IBTK: variants seen among roughly 807,000 people sequenced by gnomAD.
The protein encoded by IBTK is BTK-binding protein.
A neutral mutation model predicts 154.9 loss-of-function variants in IBTK; 83 were observed. The ratio of observed to expected loss-of-function variants is 0.54; its 90% CI spans 0.45 to 0.64. IBTK has a LOEUF of 0.64. Ranked by LOEUF, IBTK falls within the 30% of genes least tolerant of loss-of-function variation. The pLI is 0.00. For synonymous variants in IBTK, 515 were observed against 536.1 expected (o/e 0.96, Z 0.54); for missense variants, 1,332 against 1,584.6 (o/e 0.84, Z 2.71).
chr6:82,181,992 G>T lies in IBTK; in HGVS notation c.3612C>A (p.Phe1204Leu). 6.2e-7 allele frequency: 1 copy of T among 1,606,092 alleles called. No individual in the cohort carries two copies. Among genetic ancestry groups the T allele is most frequent in the Non-Finnish European group, 8.5e-7 (1 of 1,178,400 alleles). ...TTTTTTCTTCTAGTAAGAAATCCCG[G>T]AATGACTTGGATGAAACTGAATGCA... ...SSLHSVSSKS[F>L]RDFLLEEKKS... Residue 1204 changes from phenylalanine to leucine, a missense_variant, in exon 26 of 29, where the codon TTC (phenylalanine) becomes TTA (leucine). Physicochemically the swap from Phe to Leu is conservative, Grantham distance 22. This residue lies in a region of IBTK where 1,134 missense variants were observed against 1,274.7 expected (regional missense o/e 0.89). Coordinates refer to ENST00000306270, the MANE Select transcript of IBTK (RefSeq NM_015525.4).
intron 21 of IBTK, among the ~76,000 whole-genome samples, chr6:82,199,831 C>G (rs6929155): frequency 0.22 from 33,480 of 152,094 alleles, 3,694 homozygotes; most frequent in South Asian, 0.25. Flanking sequence ...AACTCTTTCT[C>G]TTGCTACTAA....
At chr6:82,196,231 T>C (rs910965080) in intron 22 of IBTK, 67 bp downstream of exon 22, 6 of 1,258,548 alleles carry the variant, frequency 4.8e-6, no homozygotes, top group Admixed American at 5.2e-5. Context: ...AATAAGGAAA[T>C]ATTAAAGATA....
chr6:82,205,903 A>C (rs967890923), intron 16 of IBTK: 12 of 152,166 alleles, frequency 7.9e-5, no homozygotes, highest in Admixed American at 3.9e-4. Flanking sequence ...AAAAAAGATT[A>C]AGAAGAAAAA....
At chr6:82,237,365 AC>A (rs146614763) in intron 2 of IBTK, among the ~76,000 whole-genome samples, 1,795 of 152,124 alleles carry the variant, frequency 0.012, 31 homozygotes, top group African/African-American at 0.039. Context: ...TTAAACAGAT[AC>A]CCCAAGGTTT....
intron 23 of IBTK, among the ~76,000 whole-genome samples, chr6:82,193,646 T>A (rs1484765911): frequency 6.6e-6 from 1 of 152,208 alleles, no homozygotes; most frequent in African/African-American, 2.4e-5. Flanking sequence ...TTTGAAAGAA[T>A]ACTACATTCT....
chr6:82,231,645 T>C, intron 4 of IBTK, 73 bp downstream of exon 4: 3 of 1,172,360 alleles, frequency 2.6e-6, no homozygotes, highest in Non-Finnish European at 3.6e-6. Flanking sequence ...GTAATCCACA[T>C]GAAAAGCTGA....
chr6:82,235,897 G>A (rs936549554), intron 2 of IBTK, among the ~76,000 whole-genome samples: 6 of 151,546 alleles, frequency 4.0e-5, no homozygotes, highest in South Asian at 2.1e-4. Flanking sequence ...TTTTTGAGAC[G>A]GAGTCTTGCT....
intron 20 of IBTK, 135 bp from the exon 21 acceptor site, chr6:82,200,388 TATTA>T (rs1357747673): frequency 4.0e-6 from 3 of 743,256 alleles, no homozygotes; most frequent in South Asian, 1.9e-5. Flanking sequence ...GACCTACAGA[TATTA>T]ATTATGTATT....
At chr6:82,191,587 A>T in intron 24 of IBTK, 200 bp downstream of exon 24, 1 of 650,588 alleles carries the variant, frequency 1.5e-6, no homozygotes, top group Non-Finnish European at 2.8e-6. Context: ...GTATTCTACA[A>T]GAGCTGGATT....
chr6:82,226,383 A>G (rs1374254105), intron 5 of IBTK, among the ~76,000 whole-genome samples: 1 of 152,170 alleles, frequency 6.6e-6, no homozygotes, highest in African/African-American at 2.4e-5. Flanking sequence ...TCCCCACAAA[A>G]AACATCTTAA....
In IBTK at chr6:82,172,532, G is replaced by A; in HGVS notation, c.3798-20C>T. ...CAGGGACTGAAAGAATAATAATAAT[G>A]AGTTTCATTCATCTTCCTAAATTTT... On this transcript the variant is annotated intron_variant, in intron 27 of 28. Transcript: ENST00000306270. 1 of 1,588,758 alleles carries A rather than the reference G, an allele frequency of 6.3e-7. No homozygotes were observed. The highest frequency in any genetic ancestry group is 8.5e-7 in the Non-Finnish European group (1 of 1,172,060).
intron 8 of IBTK, among the ~76,000 whole-genome samples, chr6:82,221,563 G>C (rs1243483956): frequency 6.6e-6 from 1 of 152,036 alleles, no homozygotes; most frequent in East Asian, 1.9e-4. Context: ...ATAGCATTAT[G>C]TGAAATCTGC....
In IBTK at chr6:82,246,500, A is replaced by G. The variant is rs576940462; in HGVS notation, c.-358+1062T>C. Reference sequence around the variant, plus strand: ...CACTCAGTCGCCCAGGATGGAGTGCAGCGGCGCGATCTCGGCTCACTGCAA... The same window carrying G: ...CACTCAGTCGCCCAGGATGGAGTGCGGCGGCGCGATCTCGGCTCACTGCAA... On this transcript the variant is annotated intron_variant, in intron 1 of 28. Transcript: ENST00000306270. 2.5e-3 allele frequency among the ~76,000 whole-genome samples: 344 copies of G among 136,462 alleles called. 2 individuals are homozygous for G. Among genetic ancestry groups the G allele is most frequent in the African/African-American group, 8.9e-3 (315 of 35,220 alleles). The allele number at this position is 136,462 out of a possible 152,430, so 89.5% of individuals were successfully genotyped here. A position where few individuals can be genotyped will look rare whatever the true frequency, so the allele number is the denominator to read the frequency against.
At chr6:82,178,241 AGCAGTATAACAGG>A (rs1768187460) in intron 26 of IBTK, among the ~76,000 whole-genome samples, 1 of 152,216 alleles carries the variant, frequency 6.6e-6, no homozygotes, top group South Asian at 2.1e-4. Context: ...AAACTTCCAA[AGCAGTATAACAGG>A]GCACACTTAT....
chr6:82,227,929 C>T (rs1582244936), intron 4 of IBTK, among the ~76,000 whole-genome samples: 1 of 151,854 alleles, frequency 6.6e-6, no homozygotes, highest in East Asian at 1.9e-4. Context: ...TCTCAGTACA[C>T]TCCCTTGCCC....
chr6:82,223,064 T>C (rs1770157303), intron 8 of IBTK, among the ~76,000 whole-genome samples: 1 of 152,006 alleles, frequency 6.6e-6, no homozygotes, highest in African/African-American at 2.4e-5. Flanking sequence ...GATTATATTC[T>C]AAAGATAAAT....
intron 16 of IBTK, among the ~76,000 whole-genome samples, chr6:82,209,292 C>A (rs1253283780): frequency 6.6e-6 from 1 of 152,098 alleles, no homozygotes; most frequent in East Asian, 1.9e-4. Context: ...CAGCATGATT[C>A]CTAATAGACA....
At chr6:82,227,705 G>A (rs1299762069) in intron 4 of IBTK, among the ~76,000 whole-genome samples, 2 of 151,936 alleles carry the variant, frequency 1.3e-5, no homozygotes, top group East Asian at 3.9e-4. Context: ...GTGATATATG[G>A]TACTAATAAA....
chr6:82,247,534 G>A (rs932269043), intron 1 of IBTK, 28 bp downstream of exon 1: 8 of 398,762 alleles, frequency 2.0e-5, no homozygotes, highest in Admixed American at 1.3e-4. Context: ...CGCACCGCAC[G>A]GTCGGGCAGC....
Sources: allele counts gnomAD v4.1 joint callset (sites outside exome capture counted in the v4.1 genomes callset), GRCh38; gene constraint gnomAD v4.1.1; regional missense constraint gnomAD v4.1.1; transcripts MANE v1.5; gene names NCBI Gene and HGNC (gene_info 2026-07-23, HGNC 2026-07-21).